TEX9: variants seen among roughly 807,000 people sequenced by gnomAD.
The protein encoded by TEX9 is testis-expressed protein 9.
Under a neutral mutation model 59.6 loss-of-function variants are expected in TEX9, and 74 were observed. The ratio of observed to expected loss-of-function variants is 1.24; its 90% CI spans 1.03 to 1.51. TEX9 has a LOEUF of 1.51. TEX9 is among the 40% of genes most tolerant of loss of function. The probability of loss-of-function intolerance (pLI) is 0.00; values close to 1 mark genes in which losing one functional copy is unlikely to be tolerated. For synonymous variants in TEX9, 186 were observed against 152.2 expected (o/e 1.22, Z -1.64); for missense variants, 522 against 447.8 (o/e 1.17, Z -1.49).
chr15:56,305,399 A>G (rs1388827354), intron 1 of TEX9, among the ~76,000 whole-genome samples: 2 of 152,226 alleles, frequency 1.3e-5, no homozygotes, highest in African/African-American at 2.4e-5. Context: ...TATTGTAATC[A>G]AAACAGCATG....
At chr15:56,447,756 A>C (rs1351426424), downstream of TEX9, 1 of 152,150 alleles carries the variant, frequency 6.6e-6, no homozygotes, top group East Asian at 1.9e-4. Flanking sequence ...CACAATCAAG[A>C]TCATGAACAC....
At chr15:56,426,589 G>GTATATATATCTATATATA (rs2050268303) in intron 10 of TEX9, among the ~76,000 whole-genome samples, 1 of 24,306 alleles carries the variant, frequency 4.1e-5, no homozygotes. Context: ...TTGAAAAGGT[G>GTATATATATCTATATATA]TATATATATA....
At chr15:56,279,826 G>T (rs1186728313) in intron 1 of TEX9, among the ~76,000 whole-genome samples, 1 of 152,148 alleles carries the variant, frequency 6.6e-6, no homozygotes, top group African/African-American at 2.4e-5. Flanking sequence ...TATTGTTTGC[G>T]TTCACAAAAT....
At chr15:56,438,906 T>G (rs1181395468) in intron 12 of TEX9, among the ~76,000 whole-genome samples, 1 of 152,100 alleles carries the variant, frequency 6.6e-6, no homozygotes, top group Non-Finnish European at 1.5e-5. Context: ...ATGTCTACTC[T>G]CATCACTCTT....
upstream of TEX9, chr15:56,365,358 G>A (rs2046884804): frequency 1.8e-5 from 27 of 1,498,808 alleles, no homozygotes; most frequent in South Asian, 2.4e-4. Flanking sequence ...AGAGTGGGAA[G>A]GCGTAGGCGC....
rs1555434467 is a variant in TEX9 at position 56,339,397 on chromosome 15, A to AAACAAAC, written c.-106-34042_-106-34041insCAAACAA. ...GACTCCTTCTCCAAAAAAAAAAAAA[A>AAACAAAC]AAAAAAAAAAAAAAAAACAGGAGAA... On this transcript the variant is annotated intron_variant, in intron 1 of 5. Coordinates refer to the TEX9 transcript ENST00000560827. Among the ~76,000 whole-genome samples, 11 of 61,098 alleles carry AAACAAAC rather than the reference A, an allele frequency of 1.8e-4. No individual in the cohort carries two copies. In the East Asian group the frequency reaches 4.9e-3, roughly 27 times the overall value. The allele number at this position is 61,098 out of a possible 152,430, so 40.1% of individuals were successfully genotyped here.
chr15:56,434,844 CT>C (rs1418135158), intron 12 of TEX9, among the ~76,000 whole-genome samples: 3 of 152,162 alleles, frequency 2.0e-5, no homozygotes, highest in Admixed American at 6.6e-5. Flanking sequence ...CATCTCTAGT[CT>C]TCTAATATTC....
At chr15:56,294,263 G>C (rs1218255952) in intron 1 of TEX9, among the ~76,000 whole-genome samples, 1 of 152,188 alleles carries the variant, frequency 6.6e-6, no homozygotes, top group Non-Finnish European at 1.5e-5. Context: ...TGACAGAAAA[G>C]TCTGCTTGTC....
In TEX9 at chr15:56,437,244, G is replaced by C. The variant is rs551742390; in HGVS notation, c.*30-8427G>C. 2.1e-4 allele frequency among the ~76,000 whole-genome samples: 32 copies of C among 152,260 alleles called. No homozygotes were observed. In the South Asian group the frequency reaches 3.3e-3, roughly 16 times the overall value. Reference sequence around the variant, plus strand: ...AAATACTGGCAAACCAAATCCAGCAGCACATCAAAAAGCTTATCCACCATG... The same window carrying C: ...AAATACTGGCAAACCAAATCCAGCACCACATCAAAAAGCTTATCCACCATG... On this transcript the variant is annotated intron_variant, in intron 12 of 12. Transcript: ENST00000352903.
chr15:56,452,277 G>C, the TEX9 span, among the ~76,000 whole-genome samples: 1 of 152,108 alleles, frequency 6.6e-6, no homozygotes, highest in African/African-American at 2.4e-5. Context: ...GAAATTCAGA[G>C]AAAACTAGGT....
chr15:56,454,221 G>A, the TEX9 span, among the ~76,000 whole-genome samples: 3 of 152,174 alleles, frequency 2.0e-5, no homozygotes, highest in South Asian at 6.2e-4. Context: ...TTTAGTTTTT[G>A]TGGGTACACA....
intron 1 of TEX9, among the ~76,000 whole-genome samples, chr15:56,338,359 T>C (rs2141816121): frequency 1.3e-5 from 2 of 152,354 alleles, no homozygotes; most frequent in Middle Eastern, 3.4e-3. Context: ...CCTCACATGA[T>C]ACTGTTCTTT....
At chr15:56,449,256 G>A (rs961674147), downstream of TEX9, among the ~76,000 whole-genome samples, 1 of 150,150 alleles carries the variant, frequency 6.7e-6, no homozygotes, top group Non-Finnish European at 1.5e-5. Context: ...GAGGGGAAGT[G>A]TTTAACATTT....
intron 1 of TEX9, among the ~76,000 whole-genome samples, chr15:56,316,956 C>T (rs2045785202): frequency 6.6e-6 from 1 of 152,330 alleles, no homozygotes; most frequent in Admixed American, 6.5e-5. Context: ...AGAAAGGGAA[C>T]TCCCTGACCC....
intron 1 of TEX9, among the ~76,000 whole-genome samples, chr15:56,356,989 G>T (rs1046311866): frequency 6.6e-6 from 1 of 152,044 alleles, no homozygotes; most frequent in Non-Finnish European, 1.5e-5. Flanking sequence ...CATTTAGTCG[G>T]TCTAATCAAA....
intron 9 of TEX9, among the ~76,000 whole-genome samples, chr15:56,402,831 T>TA (rs1188920871): frequency 2.0e-5 from 3 of 152,216 alleles, no homozygotes; most frequent in African/African-American, 7.2e-5. Flanking sequence ...TGGTTCAACA[T>TA]ACACAAATCA....
At chr15:56,264,053 A>G (rs2044326196) in intron 1 of TEX9, among the ~76,000 whole-genome samples, 1 of 152,172 alleles carries the variant, frequency 6.6e-6, no homozygotes, top group Admixed American at 6.5e-5. Context: ...AAACATTCCC[A>G]TATAGGTTTT....
intron 1 of TEX9, among the ~76,000 whole-genome samples, chr15:56,272,983 G>A (rs2044580839): frequency 6.7e-6 from 1 of 149,574 alleles, no homozygotes; most frequent in Non-Finnish European, 1.5e-5. Context: ...GTCTCACTCT[G>A]TCACCCAAAC....
intron 1 of TEX9, among the ~76,000 whole-genome samples, chr15:56,271,878 C>A (rs1272015795): frequency 6.6e-6 from 1 of 152,174 alleles, no homozygotes; most frequent in South Asian, 2.1e-4. Context: ...CGGTGGCTCA[C>A]GCCTGTAATC....
Sources: allele counts gnomAD v4.1 joint callset (sites outside exome capture counted in the v4.1 genomes callset), GRCh38; gene constraint gnomAD v4.1.1; transcripts MANE v1.5; gene names NCBI Gene and HGNC (gene_info 2026-07-23, HGNC 2026-07-21).